Variants in ZBTB38 observed in about 807,000 individuals in gnomAD.
ZBTB38 encodes zinc finger and BTB domain containing 38.
ZBTB38 carries 20 observed loss-of-function variants against 76.8 expected under a neutral mutation model. The ratio of observed to expected loss-of-function variants is 0.26; its 90% CI spans 0.18 to 0.38. The LOEUF is 0.38. ZBTB38 is among the 10% of genes least tolerant of loss of function. The pLI is 1.00. For synonymous variants in ZBTB38, 504 were observed against 544.2 expected, an observed-to-expected ratio of 0.93 and a Z score of 1.03; for missense variants, 1,082 against 1,482.3, an observed-to-expected ratio of 0.73 and a Z score of 4.43.
At chr3:141,385,610 G>C (rs1355166277) in intron 3 of ZBTB38, among the ~76,000 whole-genome samples, 2 of 150,850 alleles carry the variant, frequency 1.3e-5, no homozygotes, top group African/African-American at 2.4e-5. Context: ...AACAGTTTTT[G>C]TTCCACATGT....
chr3:141,324,318 T>A (rs1240002992), exon 1 of ZBTB38: 1 of 152,204 alleles, frequency 6.6e-6, no homozygotes. Flanking sequence ...ATCCAACTGG[T>A]ATCCATCTAA....
chr3:141,377,107 A>G (rs9858603), intron 2 of ZBTB38, among the ~76,000 whole-genome samples: 47,314 of 152,170 alleles, frequency 0.31, 7,947 homozygotes, highest in African/African-American at 0.35. Flanking sequence ...GGGAGCATGT[A>G]CCACTGGTAT....
intron 3 of ZBTB38, among the ~76,000 whole-genome samples, chr3:141,381,851 T>G (rs1946241149): frequency 2.6e-5 from 4 of 152,124 alleles, no homozygotes; most frequent in African/African-American, 7.2e-5. Flanking sequence ...AATCACAAAC[T>G]TTTAGAACTG....
rs897055494 is a variant in ZBTB38, at chr3:141,448,835, A to G, written c.*2859A>G. 4.6e-5 allele frequency: 7 copies of G among 152,136 alleles called. No individual in the cohort carries two copies. Among genetic ancestry groups the G allele is most frequent in the African/African-American group, 1.7e-4 (7 of 41,418 alleles). 9.4% of individuals were successfully genotyped at this position (152,136 alleles called of 1,614,324 possible). A position where few individuals can be genotyped will look rare whatever the true frequency, so the allele number is the denominator to read the frequency against. On this transcript the variant is annotated 3_prime_UTR_variant, in exon 6 of 6. Coordinates refer to ENST00000321464, the MANE Select transcript of ZBTB38 (RefSeq NM_001376113.1). ...TACTTGTTTACATTCCGTGGTACCT[A>G]CTTACATGCTTAGGAGTCAAATGGA...
intron 1 of ZBTB38, among the ~76,000 whole-genome samples, chr3:141,358,157 C>T (rs992079494): frequency 1.3e-5 from 2 of 152,140 alleles, no homozygotes; most frequent in Non-Finnish European, 2.9e-5. Flanking sequence ...ACAAGGTAAG[C>T]GCCACAGGAA....
chr3:141,428,985 A>T (rs2076917405), intron 5 of ZBTB38, among the ~76,000 whole-genome samples: 1 of 152,210 alleles, frequency 6.6e-6, no homozygotes, highest in South Asian at 2.1e-4. Context: ...ATCTTTTTAT[A>T]GTATAGATTG....
intron 1 of ZBTB38, among the ~76,000 whole-genome samples, chr3:141,336,939 A>C (rs1943030715): frequency 6.6e-6 from 1 of 152,260 alleles, no homozygotes; most frequent in Non-Finnish European, 1.5e-5. Context: ...ATTTTACTTC[A>C]AATGGGGTGT....
intron 5 of ZBTB38, among the ~76,000 whole-genome samples, chr3:141,440,721 A>G (rs2079942489): frequency 6.6e-6 from 1 of 152,162 alleles, no homozygotes; most frequent in Non-Finnish European, 1.5e-5. Context: ...TAGTGAAATT[A>G]GTGAGTTGCT....
At chr3:141,340,975 AAAGAAAGAAAGAAAGAGAAAG>A (rs1380076248) in intron 1 of ZBTB38, among the ~76,000 whole-genome samples, 19 of 147,894 alleles carry the variant, frequency 1.3e-4, no homozygotes, top group African/African-American at 4.4e-4. Flanking sequence ...AGAAAGAAAG[AAAGAAAGAAAGAAAGAGAAAG>A]AAGAAAGAAA....
intron 4 of ZBTB38, among the ~76,000 whole-genome samples, chr3:141,393,138 T>C (rs1949376275): frequency 6.6e-6 from 1 of 152,248 alleles, no homozygotes; most frequent in Admixed American, 6.5e-5. Flanking sequence ...ATATTCTTTC[T>C]GTGCTCATGA....
intron 5 of ZBTB38, among the ~76,000 whole-genome samples, chr3:141,431,337 A>ATATATATATATATATATATATAT (rs1320311107): frequency 9.8e-6 from 1 of 101,994 alleles, no homozygotes; most frequent in African/African-American, 5.9e-5. Flanking sequence ...AAAAAAAAAA[A>ATATATATATATATATATATATAT]AAAAATATAT....
intron 5 of ZBTB38, among the ~76,000 whole-genome samples, chr3:141,437,664 A>C (rs1345076301): frequency 1.3e-5 from 2 of 152,184 alleles, no homozygotes; most frequent in African/African-American, 4.8e-5. Context: ...CTTATTCACA[A>C]GAGAAATTAA....
intron 3 of ZBTB38, among the ~76,000 whole-genome samples, chr3:141,385,656 G>A (rs1275071469): frequency 6.7e-6 from 1 of 149,024 alleles, no homozygotes; most frequent in Admixed American, 6.6e-5. Context: ...TTGAGTGTGT[G>A]TGTGTGTGTG....
At chr3:141,359,790 G>C (rs1277113554) in intron 1 of ZBTB38, among the ~76,000 whole-genome samples, 3 of 151,896 alleles carry the variant, frequency 2.0e-5, no homozygotes, top group African/African-American at 7.3e-5. Context: ...AATTAGCCAG[G>C]CATGGTGGTC....
chr3:141,402,407 G>T (rs1442759982), intron 4 of ZBTB38: 1 of 151,548 alleles, frequency 6.6e-6, no homozygotes, highest in Non-Finnish European at 1.5e-5. Context: ...GAAGCACCAT[G>T]GACCCCCGGG....
chr3:141,389,825 A>G (rs1948296313), intron 4 of ZBTB38: 1 of 152,240 alleles, frequency 6.6e-6, no homozygotes. Context: ...TACCATTAAA[A>G]TGAATGCCTG....
At chr3:141,382,892 G>A (rs947528683) in intron 3 of ZBTB38, among the ~76,000 whole-genome samples, 10 of 152,156 alleles carry the variant, frequency 6.6e-5, no homozygotes, top group African/African-American at 2.4e-4. Flanking sequence ...GATGGAGTGT[G>A]GACGTAGGAG....
At chr3:141,349,809 A>T (rs1943467796) in intron 1 of ZBTB38, among the ~76,000 whole-genome samples, 1 of 152,174 alleles carries the variant, frequency 6.6e-6, no homozygotes, top group African/African-American at 2.4e-5. Flanking sequence ...TAAAGATGAG[A>T]AACAGAAGGG....
At chr3:141,402,725 A>G (rs1165979384) in intron 4 of ZBTB38, 1 of 151,964 alleles carries the variant, frequency 6.6e-6, no homozygotes, top group Non-Finnish European at 1.5e-5. Context: ...GAGTGCGGGC[A>G]GGTTGCGCCG....
Sources: gnomAD v4.1 joint callset for allele counts (sites outside exome capture counted in the v4.1 genomes callset) on GRCh38, gnomAD v4.1.1 for gene constraint, MANE v1.5 for transcripts, NCBI Gene and HGNC (gene_info 2026-07-23, HGNC 2026-07-21) for gene names.